TMC2: variants seen among roughly 807,000 people sequenced by gnomAD.
TMC2 encodes the protein transmembrane channel-like protein 2.
Under a neutral mutation model 105.9 loss-of-function variants are expected in TMC2, and 102 were observed. The ratio of observed to expected loss-of-function variants is 0.96; its 90% CI spans 0.82 to 1.14. TMC2 has a LOEUF of 1.14. TMC2 is among the 50% of genes most tolerant of loss of function. The pLI is 0.00. For synonymous variants in TMC2, 402 were observed against 422.8 expected, an observed-to-expected ratio of 0.95 and a Z score of 0.60; for missense variants, 1,093 against 1,134.3, an observed-to-expected ratio of 0.96 and a Z score of 0.52.
chr20:2,616,351 C>A lies in TMC2; in HGVS notation c.1940+147C>A. ...CCTCTTTCACATGAAAAATCAAGAGCGGGACTAGATGAGAAGCAGGACAGT... is the reference window on the plus strand; with the variant it reads ...CCTCTTTCACATGAAAAATCAAGAGAGGGACTAGATGAGAAGCAGGACAGT... On this transcript the variant is annotated intron_variant, in intron 15 of 19. Coordinates refer to ENST00000358864, the MANE Select transcript of TMC2 (RefSeq NM_080751.3). This position sits in a 1 kb window ranked among gnomAD's most constrained non-coding sequence, Gnocchi z 4.8. The A allele has an allele frequency of 1.5e-6, 1 of 684,306 alleles. No homozygotes were observed. The highest frequency in any genetic ancestry group is 2.6e-6 in the Non-Finnish European group (1 of 385,042). 42.4% of individuals were successfully genotyped at this position (684,306 alleles called of 1,614,324 possible).
At chr20:2,631,619 A>C (rs1035431788) in intron 17 of TMC2, among the ~76,000 whole-genome samples, 2 of 152,128 alleles carry the variant, frequency 1.3e-5, no homozygotes, top group African/African-American at 4.8e-5. Context: ...TTATATGAAA[A>C]AACAATTGAC....
chr20:2,572,685 A>G (rs1600106966), intron 5 of TMC2, among the ~76,000 whole-genome samples: 1 of 152,132 alleles, frequency 6.6e-6, no homozygotes, highest in African/African-American at 2.4e-5. Flanking sequence ...GTTGAGTTGT[A>G]TCATAACCTG....
rs531462351 is a variant in TMC2, at chr20:2,643,204, C to T, written c.*1853C>T. ...GGTCCAAGCCCCAAATCCAAAACTG[C>T]CTGTGTGTCATATGCCTTCCCCCAA... On this transcript the variant is annotated 3_prime_UTR_variant, in exon 20 of 20. Transcript: ENST00000358864. 2.0e-5 allele frequency among the ~76,000 whole-genome samples: 3 copies of T among 152,276 alleles called. No individual in the cohort carries two copies. In the South Asian group the frequency reaches 6.2e-4, roughly 32 times the overall value.
intron 2 of TMC2, among the ~76,000 whole-genome samples, chr20:2,542,980 T>G (rs1272064728): frequency 1.3e-5 from 2 of 152,172 alleles, no homozygotes; most frequent in African/African-American, 4.8e-5. Flanking sequence ...CACACACCTG[T>G]AATCCCAGCA....
At chr20:2,604,316 C>T (rs1035302312) in intron 11 of TMC2, among the ~76,000 whole-genome samples, 1 of 152,204 alleles carries the variant, frequency 6.6e-6, no homozygotes, top group Non-Finnish European at 1.5e-5. Context: ...TCAGGAAATA[C>T]CAGGCAGCAG....
At chr20:2,625,882 T>A (rs1286728063) in intron 17 of TMC2, among the ~76,000 whole-genome samples, 2 of 152,228 alleles carry the variant, frequency 1.3e-5, no homozygotes, top group African/African-American at 4.8e-5. Context: ...CCGGTGAAAT[T>A]CTCCAGCTTT....
rs757609571 is a variant in TMC2, at chr20:2,592,408, G to A, written c.933G>A (p.Glu311=). The change falls in exon 8 of 20, where the codon GAG becomes GAA. Residue 311 remains glutamate (E), a splice_region_variant and synonymous_variant. Transcript: ENST00000358864. The surrounding 1 kb of genome is among the most constrained non-coding windows in gnomAD (Gnocchi z 4.9). ...AMDFSVLWDF[E]GYIKYSALFY... ...ATTTTTCTGTCCTTTGGGATTTTGA[G>A]GTACTATTGTCAACATGCCAATGAA... 5 of 1,603,672 alleles carry A rather than the reference G, an allele frequency of 3.1e-6. No individual in the cohort carries two copies. The highest frequency in any genetic ancestry group is 2.2e-5 in the South Asian group (2 of 90,826).
Position 2,586,391 on chromosome 20 carries a change from A to G in TMC2, c.835-5919A>G, listed in dbSNP as rs559628090. Among the ~76,000 whole-genome samples, 6 of 152,228 alleles carry G rather than the reference A, an allele frequency of 3.9e-5. No homozygotes were observed. The South Asian group carries it at 1.2e-3, about 31-fold the overall frequency. On this transcript the variant is annotated intron_variant, in intron 7 of 19. Transcript: ENST00000358864. ...TGGCCCATAGCAAGTCTACAACTGT[A>G]GTAGCCTGTTCTTGTGTTGCTATGA... is the stretch of plus-strand genomic sequence containing the variant.
At chr20:2,560,970 C>T (rs1270318847) in intron 3 of TMC2, among the ~76,000 whole-genome samples, 4 of 152,180 alleles carry the variant, frequency 2.6e-5, no homozygotes, top group Admixed American at 2.6e-4. Flanking sequence ...AAATTCTCCA[C>T]AGCCCTGCTG....
rs138201596 is a variant in TMC2 at position 2,604,845 on chromosome 20, G to T, written c.1413+2544G>T. Reference sequence around the variant, plus strand: ...TGGGCCTGGAAGCTCCAAGCCCCTTGCCCATACCTTACCCTATGCATCTCT... The same window carrying T: ...TGGGCCTGGAAGCTCCAAGCCCCTTTCCCATACCTTACCCTATGCATCTCT... On this transcript the variant is annotated intron_variant, in intron 11 of 19. Coordinates refer to ENST00000358864, the MANE Select transcript of TMC2 (RefSeq NM_080751.3). Among the ~76,000 whole-genome samples, 594 of 152,282 alleles carry T rather than the reference G, an allele frequency of 3.9e-3. 3 individuals are homozygous for T. The highest frequency in any genetic ancestry group is 0.013 in the African/African-American group (556 of 41,556).
chr20:2,573,737 T>G (rs1454487800), intron 5 of TMC2, among the ~76,000 whole-genome samples: 1 of 145,388 alleles, frequency 6.9e-6, no homozygotes, highest in African/African-American at 2.6e-5. Context: ...ATTTTTTGTG[T>G]TTTTAGTAGA....
intron 4 of TMC2, among the ~76,000 whole-genome samples, chr20:2,563,500 A>G (rs1342978797): frequency 6.6e-6 from 1 of 152,210 alleles, no homozygotes; most frequent in Non-Finnish European, 1.5e-5. Flanking sequence ...AGTGTAACCG[A>G]AAAACTGATT....
chr20:2,569,933 T>C (rs767739), intron 4 of TMC2, among the ~76,000 whole-genome samples: 106,835 of 152,084 alleles, frequency 0.7, 37,993 homozygotes, highest in African/African-American at 0.81. Context: ...AATCTAATAT[T>C]CCTTCATGAT....
intron 10 of TMC2, among the ~76,000 whole-genome samples, chr20:2,599,295 T>TAA (rs11473820): frequency 0.2 from 25,538 of 126,378 alleles, 2,887 homozygotes; most frequent in East Asian, 0.32. Context: ...GGGATAATGT[T>TAA]AAAAAAAAAA....
chr20:2,575,301 G>A (rs180818511), intron 5 of TMC2, among the ~76,000 whole-genome samples: 25 of 152,172 alleles, frequency 1.6e-4, no homozygotes, highest in African/African-American at 5.5e-4. Context: ...CCCTCAAATA[G>A]TACTGCTAGT....
rs1226627974 is a variant in TMC2, at chr20:2,602,286, G to A, written c.1398G>A (p.Trp466Ter). 7 of 1,598,648 alleles carry A rather than the reference G, an allele frequency of 4.4e-6. No homozygotes were observed. Among genetic ancestry groups the A allele is most frequent in the Non-Finnish European group, 6.0e-6 (7 of 1,173,406 alleles). The change falls in exon 11 of 20, where the codon TGG becomes TGA. Residue 466 changes from tryptophan (W) to a stop codon, truncating the protein, a stop_gained. Transcript: ENST00000358864. LOFTEE classifies it high-confidence loss of function. ...QQFSKMQNVS[W>*]YERNEVEIVM... is the part of the protein sequence containing the mutation. ...TCTCCAAAATGCAGAATGTCAGCTG[G>A]TATGAAAGGAATGAGGTAAGAAAAA... is the stretch of plus-strand genomic sequence containing the variant.
intron 7 of TMC2, among the ~76,000 whole-genome samples, chr20:2,590,962 T>C (rs900404915): frequency 2.0e-5 from 3 of 152,122 alleles, no homozygotes; most frequent in African/African-American, 7.2e-5. Flanking sequence ...TGAGGAACAC[T>C]ATAAAGAATT....
chr20:2,597,404 T>A, intron 10 of TMC2, 106 bp downstream of exon 10: 1 of 1,208,754 alleles, frequency 8.3e-7, no homozygotes. Flanking sequence ...TCAAATAATT[T>A]GTGGCAAGAG....
chr20:2,579,136 T>C lies in TMC2; in HGVS notation c.646-10T>C. 2 of 1,521,096 alleles carry C rather than the reference T, an allele frequency of 1.3e-6. No homozygotes were observed. The highest frequency in any genetic ancestry group is 1.8e-6 in the Non-Finnish European group (2 of 1,096,014). 94.2% of individuals were successfully genotyped at this position (1,521,096 alleles called of 1,614,324 possible). On this transcript the variant is annotated splice_polypyrimidine_tract_variant and intron_variant, in intron 5 of 19. Transcript: ENST00000358864. The stretch of plus-strand genomic sequence containing the variant: ...TTAAGGAACTGAGAGTTTTACGTCT[T>C]TTATTTCAGAAATGGGTCAAATTTA...
Sources: gnomAD v4.1 joint callset for allele counts (sites outside exome capture counted in the v4.1 genomes callset) on GRCh38, gnomAD v4.1.1 for gene constraint, Gnocchi (gnomAD v3.1) non-coding constraint, MANE v1.5 for transcripts, NCBI Gene and HGNC (gene_info 2026-07-23, HGNC 2026-07-21) for gene names.